Variants in GALNT13 observed in about 807,000 individuals in gnomAD.
The protein encoded by GALNT13 is UDP-GalNAc:polypeptide N-acetylgalactosaminyltransferase 13.
Under a neutral mutation model 64.2 loss-of-function variants are expected in GALNT13, and 28 were observed. The observed-to-expected ratio is 0.44, with a 90% confidence interval of 0.32 to 0.60. The LOEUF (loss-of-function observed/expected upper bound fraction) is 0.60. Ranked by LOEUF, GALNT13 falls within the 20% of genes least tolerant of loss-of-function variation. GALNT13 has a pLI of 0.05. For synonymous variants in GALNT13, 214 were observed against 224.6 expected (o/e 0.95, Z 0.42); for missense variants, 577 against 669.8 (o/e 0.86, Z 1.53).
the GALNT13 span, among the ~76,000 whole-genome samples, chr2:153,589,233 T>C: frequency 6.6e-6 from 1 of 152,178 alleles, no homozygotes; most frequent in Non-Finnish European, 1.5e-5. Flanking sequence ...AGGGGCAAAA[T>C]GCCGCCAGTC....
chr2:153,133,035 ATTTT>A, the GALNT13 span, among the ~76,000 whole-genome samples: 3 of 129,380 alleles, frequency 2.3e-5, no homozygotes, highest in Non-Finnish European at 3.4e-5. Context: ...AACTGTGTTA[ATTTT>A]TTTTTTTTTT....
chr2:154,254,145 A>G (rs1402946144), intron 7 of GALNT13, among the ~76,000 whole-genome samples: 3 of 152,186 alleles, frequency 2.0e-5, no homozygotes, highest in Admixed American at 1.3e-4. Flanking sequence ...GGAGTTTTCA[A>G]AGAAAAATCC....
the GALNT13 span, among the ~76,000 whole-genome samples, chr2:153,186,145 T>C: frequency 6.6e-6 from 1 of 152,200 alleles, no homozygotes; most frequent in Non-Finnish European, 1.5e-5. Flanking sequence ...GGTGCTCCTG[T>C]ATGGGTGCAT....
At chr2:153,956,798 C>CA (rs140803611) in intron 3 of GALNT13, among the ~76,000 whole-genome samples, 10,794 of 152,166 alleles carry the variant, frequency 0.071, 451 homozygotes, top group Middle Eastern at 0.13. Flanking sequence ...GCCCACCAGA[C>CA]ACTGGCATTC....
At chr2:154,153,801 C>T (rs566373774) in intron 4 of GALNT13, among the ~76,000 whole-genome samples, 37 of 152,312 alleles carry the variant, frequency 2.4e-4, no homozygotes, top group Non-Finnish European at 4.1e-4. Context: ...AGTATTAGGG[C>T]GGGAGTGACC....
At chr2:153,574,596 A>G in the GALNT13 span, among the ~76,000 whole-genome samples, 2 of 152,222 alleles carry the variant, frequency 1.3e-5, no homozygotes, top group East Asian at 3.9e-4. Flanking sequence ...CTTCAAGCTC[A>G]GTAGTTCTTT....
chr2:153,090,350 G>A, the GALNT13 span, among the ~76,000 whole-genome samples: 49 of 152,330 alleles, frequency 3.2e-4, no homozygotes, highest in Non-Finnish European at 5.4e-4. Context: ...GGTGGAGGTG[G>A]CAGGGGAAGG....
intron 9 of GALNT13, among the ~76,000 whole-genome samples, chr2:154,364,776 T>C (rs1697274397): frequency 6.6e-6 from 1 of 152,192 alleles, no homozygotes; most frequent in South Asian, 2.1e-4. Context: ...GTTCAAGCGA[T>C]TCCCTTGCCT....
the GALNT13 span, among the ~76,000 whole-genome samples, chr2:153,623,807 T>G: frequency 1.2e-4 from 18 of 152,066 alleles, no homozygotes; most frequent in African/African-American, 4.3e-4. Flanking sequence ...CTACTTATTT[T>G]TTTATACCTT....
chr2:153,193,036 T>C, the GALNT13 span, among the ~76,000 whole-genome samples: 6 of 152,160 alleles, frequency 3.9e-5, no homozygotes, highest in Non-Finnish European at 4.4e-5. Flanking sequence ...TTTTGTTTAT[T>C]GCTTTCTGAT....
At chr2:153,140,761 C>A in the GALNT13 span, among the ~76,000 whole-genome samples, 6 of 152,008 alleles carry the variant, frequency 3.9e-5, no homozygotes, top group African/African-American at 1.4e-4. Flanking sequence ...TGCACTTCTT[C>A]ATTTTTGCAT....
At chr2:153,417,611 A>T in the GALNT13 span, among the ~76,000 whole-genome samples, 1 of 152,344 alleles carries the variant, frequency 6.6e-6, no homozygotes, top group East Asian at 1.9e-4. Flanking sequence ...ATTGTAAAAA[A>T]GGAGAGTCTA....
chr2:153,478,663 A>G, the GALNT13 span: 13 of 1,007,674 alleles, frequency 1.3e-5, no homozygotes, highest in Admixed American at 3.2e-4. Context: ...TCACTCGCAG[A>G]CTAGCGCGTG....
chr2:153,766,166 G>A, the GALNT13 span, among the ~76,000 whole-genome samples: 3 of 151,524 alleles, frequency 2.0e-5, no homozygotes, highest in South Asian at 2.1e-4. Context: ...TCCTTTAGCA[G>A]TTTGAATATA....
At chr2:154,019,094 C>T (rs528368407) in intron 3 of GALNT13, among the ~76,000 whole-genome samples, 5 of 152,128 alleles carry the variant, frequency 3.3e-5, no homozygotes, top group African/African-American at 1.2e-4. Context: ...TCTTTTTATT[C>T]CTTGATGCTA....
chr2:153,879,381 T>C (rs936949457), intron 1 of GALNT13, among the ~76,000 whole-genome samples: 14 of 144,156 alleles, frequency 9.7e-5, no homozygotes, highest in South Asian at 2.2e-4. Context: ...TGTGTGTGTG[T>C]GCATGTGTGT....
At chr2:153,923,444 A>G (rs1340904322) in intron 2 of GALNT13, among the ~76,000 whole-genome samples, 2 of 151,540 alleles carry the variant, frequency 1.3e-5, no homozygotes, top group Admixed American at 1.3e-4. Flanking sequence ...ATAAAATCAT[A>G]CTCTACCTTG....
the GALNT13 span, among the ~76,000 whole-genome samples, chr2:153,144,505 C>G: frequency 6.6e-6 from 1 of 151,716 alleles, no homozygotes; most frequent in Non-Finnish European, 1.5e-5. Context: ...GTAGAGAACT[C>G]CAGAAGTGTA....
chr2:154,026,328 C>CTA (rs956682276), intron 3 of GALNT13, among the ~76,000 whole-genome samples: 22 of 152,036 alleles, frequency 1.4e-4, no homozygotes, highest in South Asian at 1.0e-3. Context: ...TTCTGGCTTG[C>CTA]TATTATTTTA....
Sources: allele counts gnomAD v4.1 joint callset (sites outside exome capture counted in the v4.1 genomes callset), GRCh38; gene constraint gnomAD v4.1.1; transcripts MANE v1.5; gene names NCBI Gene and HGNC (gene_info 2026-07-23, HGNC 2026-07-21).